Variants in FBXO17 observed in about 807,000 individuals in gnomAD.
FBXO17 encodes the protein F-box protein 17, also known as F-box only protein 17.
FBXO17 carries 43 observed loss-of-function variants against 34.1 expected under a neutral mutation model. The observed-to-expected ratio is 1.26, with a 90% CI of 0.99 to 1.62. FBXO17 has a LOEUF of 1.62. Among genes scored for constraint, FBXO17 ranks in the 40% most tolerant of loss-of-function variants. The probability of loss-of-function intolerance (pLI) is 0.00; values close to 1 mark genes in which losing one functional copy is unlikely to be tolerated. For missense variants in FBXO17, 424 were observed against 386.7 expected (o/e 1.10, Z -0.81); for synonymous variants, 169 against 166.0 (o/e 1.02, Z -0.14).
rs375464793 is a variant in FBXO17 at position 38,950,045 on chromosome 19, G to A, written c.275C>T (p.Pro92Leu). ...LPSNEDKEEF[P>L]LCALARYCLR... ...ACAGTAGCGCGCCAGGGCGCACAGC[G>A]GGAACTCCTCCTTGTCTTCGTTGCT... The change falls in exon 2 of 6, where the codon CCG (proline) becomes CTG (leucine). Residue 92 changes from proline (P) to leucine (L), a missense_variant. By Grantham distance (98) the Pro-to-Leu change is moderately conservative. Transcript: ENST00000292852. 9 of 1,567,676 alleles carry A rather than the reference G, an allele frequency of 5.7e-6. No homozygotes were observed. Among genetic ancestry groups the A allele is most frequent in the African/African-American group, 2.7e-5 (2 of 73,568 alleles).
chr19:38,958,105 C>CAA lies in FBXO17; in HGVS notation c.-17-7771_-17-7770dup, dbSNP rs74920933. ...CAGGCAATAGAGTGAGATCCTGCCT[C>CAA]AAAAAAAAAAAAAAAAAAGTTTGTG... On this transcript the variant is annotated intron_variant, in intron 1 of 5. Transcript: ENST00000292852. Among the ~76,000 whole-genome samples, 185 of 100,228 alleles carry CAA rather than the reference C, an allele frequency of 1.8e-3. 3 individuals carry two copies. The highest frequency in any genetic ancestry group is 0.016 in the East Asian group (52 of 3,330). 65.8% of individuals were successfully genotyped at this position (100,228 alleles called of 152,430 possible).
At chr19:38,952,286 C>T (rs777589120) in intron 1 of FBXO17, among the ~76,000 whole-genome samples, 15 of 152,318 alleles carry the variant, frequency 9.8e-5, no homozygotes, top group African/African-American at 2.6e-4. Context: ...AAACCTCAGT[C>T]GGGTTACAGA....
intron 1 of FBXO17, among the ~76,000 whole-genome samples, chr19:38,961,206 T>C (rs1975244970): frequency 6.6e-6 from 1 of 152,166 alleles, no homozygotes; most frequent in South Asian, 2.1e-4. Flanking sequence ...TAAAGTATTA[T>C]TTTTACTTTA....
chr19:38,972,031 A>G (rs1975397053), intron 1 of FBXO17, among the ~76,000 whole-genome samples: 1 of 152,212 alleles, frequency 6.6e-6, no homozygotes, highest in Non-Finnish European at 1.5e-5. Context: ...GGATGACAGC[A>G]ACGTGCCCAA....
rs141154215 is a variant in FBXO17 at position 38,952,069 on chromosome 19, G to C, written c.-17-1733C>G. Among the ~76,000 whole-genome samples the C allele has an allele frequency of 7.8e-3, 1,195 of 152,262 alleles. 10 individuals carry two copies. The highest frequency in any genetic ancestry group is 0.022 in the African/African-American group (924 of 41,536). ...GGGTTCAAGCGATTCTCCTGCCTCA[G>C]CCTCCCAAGTAGCTGGAATTACAGA... On this transcript the variant is annotated intron_variant, in intron 1 of 5. Transcript: ENST00000292852.
intron 1 of FBXO17, among the ~76,000 whole-genome samples, chr19:38,962,830 C>G (rs1477625766): frequency 6.6e-6 from 1 of 151,872 alleles, no homozygotes; most frequent in Non-Finnish European, 1.5e-5. Context: ...TATTCTCCTG[C>G]CTCAGCCTCC....
intron 1 of FBXO17, chr19:38,952,796 G>A (rs746092455): frequency 2.2e-6 from 1 of 457,736 alleles, no homozygotes; most frequent in South Asian, 1.5e-5. Flanking sequence ...GACCTTGTTT[G>A]AATAACAGCA....
chr19:38,952,013 C>T (rs1975092618), intron 1 of FBXO17, among the ~76,000 whole-genome samples: 3 of 151,446 alleles, frequency 2.0e-5, no homozygotes, highest in Admixed American at 1.3e-4. Flanking sequence ...TGCAGTGGCA[C>T]AATCTTGGCT....
intron 1 of FBXO17, chr19:38,952,554 C>T (rs778111141): frequency 9.4e-6 from 5 of 534,406 alleles, no homozygotes; most frequent in Admixed American, 5.8e-5. Context: ...AAACCCCCAG[C>T]GATGAATCTC....
chr19:38,952,558 G>A (rs374255891), intron 1 of FBXO17: 26 of 534,300 alleles, frequency 4.9e-5, no homozygotes, highest in Non-Finnish European at 9.2e-5. Flanking sequence ...CCCCAGCGAT[G>A]AATCTCATCA....
intron 1 of FBXO17, among the ~76,000 whole-genome samples, chr19:38,974,558 T>C (rs1422028659): frequency 6.6e-6 from 1 of 152,096 alleles, no homozygotes; most frequent in Non-Finnish European, 1.5e-5. Context: ...GAGGTGATTA[T>C]ATAGGGAGGA....
At chr19:38,970,004 T>G (rs1975371641) in intron 1 of FBXO17, among the ~76,000 whole-genome samples, 1 of 152,078 alleles carries the variant, frequency 6.6e-6, no homozygotes, top group Non-Finnish European at 1.5e-5. Flanking sequence ...ATGGTGGTGG[T>G]GTTCCTAACA....
Position 38,950,248 on chromosome 19 carries a change from C to A in FBXO17, c.72G>T (p.Glu24Asp). ...CGTGGCTCAGCACCTGCACCAGCAG[C>A]TCCGGGGGCAGCGCGTCCAGGGCCA... The part of the protein sequence containing the change: ...PSLALDALPP[E>D]LLVQVLSHVP... The change falls in exon 2 of 6, where the codon GAG (glutamate) becomes GAT (aspartate). Residue 24 changes from glutamate to aspartate, a missense_variant. Glu to Asp is a conservative substitution (Grantham distance 45). Transcript: ENST00000292852. 6.6e-7 allele frequency: 1 copy of A among 1,517,422 alleles called. No individual in the cohort carries two copies. The highest frequency in any genetic ancestry group is 8.8e-7 in the Non-Finnish European group (1 of 1,140,400). The allele number at this position is 1,517,422 out of a possible 1,614,324, so 94.0% of individuals were successfully genotyped here. A position where few individuals can be genotyped will look rare whatever the true frequency, so the allele number is the denominator to read the frequency against.
chr19:38,962,470 C>T (rs572803107), intron 1 of FBXO17, among the ~76,000 whole-genome samples: 1 of 152,260 alleles, frequency 6.6e-6, no homozygotes, highest in Middle Eastern at 3.4e-3. Flanking sequence ...TGGCAGTCAG[C>T]AGCACCCACC....
chr19:38,973,491 G>T (rs893979313), intron 1 of FBXO17, among the ~76,000 whole-genome samples: 4 of 152,156 alleles, frequency 2.6e-5, no homozygotes, highest in Non-Finnish European at 5.9e-5. Context: ...AAACACCAGT[G>T]GGGGTGGCAG....
chr19:38,950,020 A>T lies in FBXO17; in HGVS notation c.300T>A (p.Cys100Ter). ...GATTGCGGCCGAAGGGCGCGCGCAG[A>T]CAGTAGCGCGCCAGGGCGCACAGCG... is the stretch of plus-strand genomic sequence containing the variant. ...EFPLCALARY[C>*]LRAPFGRNLI... The change falls in exon 2 of 6, where the codon TGT becomes TGA. Residue 100 changes from cysteine (C) to a stop codon, truncating the protein, a stop_gained. Coordinates refer to ENST00000292852, the MANE Select transcript of FBXO17 (RefSeq NM_024907.7). LOFTEE classifies it high-confidence loss of function. The T allele has an allele frequency of 6.4e-7, 1 of 1,562,430 alleles. No homozygotes were observed. Among genetic ancestry groups the T allele is most frequent in the Non-Finnish European group, 8.7e-7 (1 of 1,155,002 alleles).
At chr19:38,968,981 A>G (rs773624040) in intron 1 of FBXO17, among the ~76,000 whole-genome samples, 2 of 152,184 alleles carry the variant, frequency 1.3e-5, no homozygotes, top group Non-Finnish European at 2.9e-5. Flanking sequence ...ACAACTCTGT[A>G]AAGTCACTAA....
chr19:38,969,275 C>T lies in FBXO17; in HGVS notation c.-18+6311G>A, dbSNP rs1348116844. 1.3e-5 allele frequency among the ~76,000 whole-genome samples: 2 copies of T among 151,346 alleles called. 1 individual carries two copies. The highest frequency in any genetic ancestry group is 2.9e-5 in the Non-Finnish European group (2 of 67,872). ...ACGAGCCTGGGCAACATAGTGAGAC[C>T]CCCGTCTCTACAAAAAAATTAGCAG... On this transcript the variant is annotated intron_variant, in intron 1 of 5. Coordinates refer to ENST00000292852, the MANE Select transcript of FBXO17 (RefSeq NM_024907.7).
In FBXO17 at chr19:38,942,376, C is replaced by G. The variant is rs1164980754; in HGVS notation, c.*232G>C. The G allele has an allele frequency of 2.9e-6, 1 of 346,066 alleles. No homozygotes were observed. Among genetic ancestry groups the G allele is most frequent in the Non-Finnish European group, 5.1e-6 (1 of 197,692 alleles). 21.4% of individuals were successfully genotyped at this position (346,066 alleles called of 1,614,324 possible). A position where few individuals can be genotyped will look rare whatever the true frequency, so the allele number is the denominator to read the frequency against. ...TCCTGGTCTCAGGCAATCCTCCCAC[C>G]CAAGCCTCCTGAGTAGCTGGGACTA... is the stretch of plus-strand genomic sequence containing the variant. On this transcript the variant is annotated 3_prime_UTR_variant, in exon 6 of 6. Transcript: ENST00000292852.
Sources: gnomAD v4.1 joint callset for allele counts (sites outside exome capture counted in the v4.1 genomes callset) on GRCh38, gnomAD v4.1.1 for gene constraint, MANE v1.5 for transcripts, NCBI Gene and HGNC (gene_info 2026-07-23, HGNC 2026-07-21) for gene names.